The following THADA variants were observed in gnomAD, a reference collection of about 807,000 sequenced individuals.
THADA encodes the protein THADA armadillo repeat containing.
Under a neutral mutation model 219.8 loss-of-function variants are expected in THADA, and 213 were observed. The observed-to-expected ratio is 0.97, with a 90% CI of 0.87 to 1.09. The LOEUF is 1.09. Ranked by LOEUF, THADA falls within the 50% of genes least tolerant of loss-of-function variation. The probability of loss-of-function intolerance (pLI) is 0.00; values close to 1 mark genes in which losing one functional copy is unlikely to be tolerated. For missense variants in THADA, 2,956 were observed against 2,311.3 expected, an observed-to-expected ratio of 1.28 and a Z score of -5.72; for synonymous variants, 1,018 against 828.9, an observed-to-expected ratio of 1.23 and a Z score of -3.92.
intron 30 of THADA, among the ~76,000 whole-genome samples, chr2:43,334,674 C>T (rs1039016027): frequency 6.6e-6 from 1 of 151,946 alleles, no homozygotes; most frequent in African/African-American, 2.4e-5. Context: ...ACTCGGGAGG[C>T]TCAGGCAGGA....
intron 31 of THADA, among the ~76,000 whole-genome samples, chr2:43,313,234 A>G (rs1453366562): frequency 6.6e-6 from 1 of 152,210 alleles, no homozygotes; most frequent in Non-Finnish European, 1.5e-5. Flanking sequence ...CCTAACTTCC[A>G]TTATATAAAT....
chr2:43,303,497 T>C (rs1310844607), intron 31 of THADA, among the ~76,000 whole-genome samples: 1 of 152,084 alleles, frequency 6.6e-6, no homozygotes, highest in Non-Finnish European at 1.5e-5. Context: ...AGGAGAAGCA[T>C]AACCCAAAAG....
intron 22 of THADA, among the ~76,000 whole-genome samples, chr2:43,518,303 C>T (rs1417614281): frequency 6.6e-6 from 1 of 152,116 alleles, no homozygotes; most frequent in Non-Finnish European, 1.5e-5. Context: ...AAAGAAAGTA[C>T]AAACAAAAAT....
At chr2:43,495,490 A>G (rs1688148017) in intron 25 of THADA, among the ~76,000 whole-genome samples, 1 of 152,180 alleles carries the variant, frequency 6.6e-6, no homozygotes, top group Non-Finnish European at 1.5e-5. Context: ...GAGAAAGAAA[A>G]TGAATCAGAA....
At chr2:43,490,852 G>A (rs1687544694) in intron 25 of THADA, among the ~76,000 whole-genome samples, 1 of 152,072 alleles carries the variant, frequency 6.6e-6, no homozygotes, top group Non-Finnish European at 1.5e-5. Flanking sequence ...CATCCACTGG[G>A]GGTCTTGGAA....
At chr2:43,535,595 C>T (rs1328117126) in intron 21 of THADA, among the ~76,000 whole-genome samples, 3 of 137,566 alleles carry the variant, frequency 2.2e-5, no homozygotes, top group East Asian at 4.4e-4. Flanking sequence ...GCAGGAGAAT[C>T]GTTTGAAGCC....
At chr2:43,341,511 A>C (rs568126709) in intron 30 of THADA, among the ~76,000 whole-genome samples, 3 of 152,092 alleles carry the variant, frequency 2.0e-5, no homozygotes, top group Non-Finnish European at 4.4e-5. Context: ...GCACAACATG[A>C]AGGTCCACTC....
intron 8 of THADA, among the ~76,000 whole-genome samples, chr2:43,579,275 A>G (rs1243467388): frequency 2.0e-5 from 3 of 152,152 alleles, no homozygotes; most frequent in Non-Finnish European, 4.4e-5. Context: ...CCCTCCACCA[A>G]TGCCTCTGTA....
At chr2:43,305,591 G>A (rs1157086893) in intron 31 of THADA, among the ~76,000 whole-genome samples, 1 of 152,174 alleles carries the variant, frequency 6.6e-6, no homozygotes, top group African/African-American at 2.4e-5. Flanking sequence ...GCTGAGGAAG[G>A]AGGATGTGCT....
chr2:43,524,254 A>T (rs923918852), intron 22 of THADA, among the ~76,000 whole-genome samples: 6 of 152,228 alleles, frequency 3.9e-5, no homozygotes, highest in Admixed American at 2.0e-4. Flanking sequence ...CTTTCAAAAC[A>T]TTCCCAGAAA....
chr2:43,536,600 C>T (rs1214477730), intron 21 of THADA, among the ~76,000 whole-genome samples: 2 of 152,070 alleles, frequency 1.3e-5, no homozygotes, highest in South Asian at 4.2e-4. Context: ...TATGGACTCA[C>T]AGGGTATAAA....
intron 21 of THADA, among the ~76,000 whole-genome samples, chr2:43,540,259 C>T (rs941875324): frequency 6.6e-6 from 1 of 152,254 alleles, no homozygotes; most frequent in Non-Finnish European, 1.5e-5. Flanking sequence ...CTGAAATGTC[C>T]TGTGCGCCTT....
At chr2:43,532,236 A>C (rs962524811) in intron 21 of THADA, among the ~76,000 whole-genome samples, 5 of 151,232 alleles carry the variant, frequency 3.3e-5, no homozygotes, top group Non-Finnish European at 7.4e-5. Flanking sequence ...ACACAGTAAA[A>C]CCCCCGTCTC....
intron 15 of THADA, chr2:43,566,162 C>G (rs930559874): frequency 9.9e-5 from 34 of 342,418 alleles, no homozygotes; most frequent in Non-Finnish European, 1.3e-4. Flanking sequence ...AAAGAGGGAA[C>G]TGAAATTTGA....
chr2:43,247,530 T>C (rs1341906207), intron 36 of THADA, among the ~76,000 whole-genome samples: 1 of 150,970 alleles, frequency 6.6e-6, no homozygotes, highest in East Asian at 1.9e-4. Context: ...TCACCAAAGG[T>C]CAGGAGTTGC....
chr2:43,308,618 C>G (rs1022402671), intron 31 of THADA, among the ~76,000 whole-genome samples: 1 of 151,946 alleles, frequency 6.6e-6, no homozygotes, highest in Non-Finnish European at 1.5e-5. Flanking sequence ...TGGAGGATTT[C>G]CTAAGCCCAG....
intron 36 of THADA, among the ~76,000 whole-genome samples, chr2:43,278,980 C>A (rs536025842): frequency 6.6e-6 from 1 of 152,298 alleles, no homozygotes; most frequent in South Asian, 2.1e-4. Flanking sequence ...TCCTGGCACC[C>A]AGCCCCAAGC....
At chr2:43,430,366 T>C in intron 26 of THADA, 64 bp from the exon 27 acceptor site, 1 of 918,904 alleles carries the variant, frequency 1.1e-6, no homozygotes, top group South Asian at 1.7e-5. Flanking sequence ...ATAAAGCCTT[T>C]TTTTTAAAAA....
chr2:43,337,737 G>T (rs962225594), intron 30 of THADA, among the ~76,000 whole-genome samples: 1 of 151,502 alleles, frequency 6.6e-6, no homozygotes, highest in African/African-American at 2.4e-5. Context: ...CATGTACAAA[G>T]ATTTTTCTGA....
Sources: allele counts gnomAD v4.1 joint callset (sites outside exome capture counted in the v4.1 genomes callset), GRCh38; gene constraint gnomAD v4.1.1; transcripts MANE v1.5; gene names NCBI Gene and HGNC (gene_info 2026-07-23, HGNC 2026-07-21).